PTPRM: variants seen among roughly 807,000 people sequenced by gnomAD.
The protein encoded by PTPRM is receptor-type tyrosine-protein phosphatase mu.
A neutral mutation model predicts 186.7 loss-of-function variants in PTPRM; 47 were observed. The observed-to-expected ratio is 0.25, with a 90% CI of 0.20 to 0.32. The LOEUF is 0.32. Ranked by LOEUF, PTPRM falls within the 10% of genes least tolerant of loss-of-function variation. The pLI is 1.00. For synonymous variants in PTPRM, 668 were observed against 674.9 expected (o/e 0.99, Z 0.16); for missense variants, 1,494 against 1,865.0 (o/e 0.80, Z 3.66).
intron 2 of PTPRM, chr18:7,815,510 A>G (rs1378344597): frequency 6.6e-6 from 1 of 152,130 alleles, no homozygotes; most frequent in African/African-American, 2.4e-5. Context: ...AGAGATGTCT[A>G]CTACACAGTT....
At chr18:8,023,145 CAGGG>C (rs1176311651) in intron 7 of PTPRM, among the ~76,000 whole-genome samples, 1 of 151,856 alleles carries the variant, frequency 6.6e-6, no homozygotes, top group Non-Finnish European at 1.5e-5. Context: ...TTGTAAGTGA[CAGGG>C]AGGATCGTGG....
intron 22 of PTPRM, among the ~76,000 whole-genome samples, chr18:8,323,297 A>G (rs530085882): frequency 6.6e-6 from 1 of 152,218 alleles, no homozygotes; most frequent in Non-Finnish European, 1.5e-5. Flanking sequence ...TCATTTGTGC[A>G]CCGGGATCCC....
chr18:7,869,659 C>T (rs555093106), intron 2 of PTPRM, among the ~76,000 whole-genome samples: 1 of 152,136 alleles, frequency 6.6e-6, no homozygotes, highest in African/African-American at 2.4e-5. Context: ...TGCCAGCCAT[C>T]GATCAGTTTT....
At chr18:8,399,087 A>G (rs908506452) in intron 32 of PTPRM, among the ~76,000 whole-genome samples, 3 of 152,252 alleles carry the variant, frequency 2.0e-5, no homozygotes, top group African/African-American at 7.2e-5. Context: ...AGAATCAGGC[A>G]ACATGTCATT....
rs1567958160 is a variant in PTPRM, at chr18:7,567,853, C to T, written c.35C>T (p.Ala12Val). The change falls in exon 1 of 33, where the codon GCC becomes GTC. Residue 12 changes from alanine (A) to valine (V), a missense_variant. Ala to Val is a moderately conservative substitution (Grantham distance 64). Coordinates refer to ENST00000580170, the MANE Select transcript of PTPRM (RefSeq NM_001105244.2). The surrounding 1 kb of genome is among the most constrained non-coding windows in gnomAD (Gnocchi z 4.3). ...CTTGGGACTTGCCTGGCGACTTTGG[C>T]CGGACTTTTGCTAACTGCGGCGGGC... Reference protein sequence around the residue: ...RGLGTCLATLAGLLLTAAGET... With the variant: ...RGLGTCLATLVGLLLTAAGET... 1.3e-6 allele frequency: 2 copies of T among 1,563,524 alleles called. No individual in the cohort carries two copies. The highest frequency in any genetic ancestry group is 1.7e-6 in the Non-Finnish European group (2 of 1,158,494).
At chr18:8,136,881 A>G (rs2092651456) in intron 13 of PTPRM, among the ~76,000 whole-genome samples, 1 of 152,190 alleles carries the variant, frequency 6.6e-6, no homozygotes, top group Non-Finnish European at 1.5e-5. Flanking sequence ...TAAAACAAGG[A>G]TGTTGCTGTT....
intron 21 of PTPRM, among the ~76,000 whole-genome samples, chr18:8,317,212 G>C (rs2095314821): frequency 6.6e-6 from 1 of 152,122 alleles, no homozygotes. Flanking sequence ...TGGCAGTGGA[G>C]GTGAGAAATG....
intron 1 of PTPRM, among the ~76,000 whole-genome samples, chr18:7,688,244 G>T (rs2039653746): frequency 6.6e-6 from 1 of 152,118 alleles, no homozygotes. Flanking sequence ...GCGGAAATGG[G>T]GAGCAGGATT....
intron 32 of PTPRM, among the ~76,000 whole-genome samples, chr18:8,399,430 A>C (rs1480097159): frequency 6.6e-6 from 1 of 152,198 alleles, no homozygotes; most frequent in Non-Finnish European, 1.5e-5. Context: ...CCTCTCATGA[A>C]CTTTATGTAA....
chr18:8,334,582 G>A (rs896589774), intron 22 of PTPRM, among the ~76,000 whole-genome samples: 14 of 152,172 alleles, frequency 9.2e-5, no homozygotes, highest in African/African-American at 2.9e-4. Context: ...GCAGATCTCC[G>A]CCAGCCATTT....
chr18:8,342,178 G>A (rs543764136), intron 22 of PTPRM, among the ~76,000 whole-genome samples: 2 of 152,346 alleles, frequency 1.3e-5, no homozygotes, highest in South Asian at 4.1e-4. Context: ...GATGGGGAGT[G>A]ACTGAAGGGC....
At chr18:8,022,684 G>A (rs151244499) in intron 7 of PTPRM, among the ~76,000 whole-genome samples, 129 of 152,158 alleles carry the variant, frequency 8.5e-4, no homozygotes, top group African/African-American at 1.7e-3. Context: ...ATCTAGGTCC[G>A]TCTGTAACTT....
intron 23 of PTPRM, among the ~76,000 whole-genome samples, chr18:8,360,122 A>G (rs1427781511): frequency 6.6e-6 from 1 of 152,218 alleles, no homozygotes; most frequent in Admixed American, 6.5e-5. Context: ...CCTTTACACA[A>G]CTGCGTTCAG....
At chr18:7,645,986 C>G (rs572975530) in intron 1 of PTPRM, among the ~76,000 whole-genome samples, 9 of 152,094 alleles carry the variant, frequency 5.9e-5, no homozygotes, top group Non-Finnish European at 1.0e-4. Context: ...CCTGGGGAAA[C>G]TGTGTGCCCA....
At chr18:8,389,046 A>C (rs1025724146) in intron 31 of PTPRM, among the ~76,000 whole-genome samples, 2 of 152,218 alleles carry the variant, frequency 1.3e-5, no homozygotes, top group Admixed American at 1.3e-4. Flanking sequence ...TTTCTCTTCA[A>C]TCCAGATCCA....
intron 7 of PTPRM, among the ~76,000 whole-genome samples, chr18:8,019,848 A>G (rs1329728220): frequency 6.7e-6 from 1 of 149,076 alleles, no homozygotes; most frequent in Non-Finnish European, 1.5e-5. Context: ...AAATATATAA[A>G]TTTAACTTAT....
chr18:7,751,350 A>G (rs968414106), intron 1 of PTPRM: 1 of 152,226 alleles, frequency 6.6e-6, no homozygotes, highest in Non-Finnish European at 1.5e-5. Context: ...ATCTCATTCA[A>G]CGTTTTTGTA....
intron 1 of PTPRM, among the ~76,000 whole-genome samples, chr18:7,688,095 A>G (rs1023806630): frequency 6.6e-5 from 10 of 152,128 alleles, no homozygotes; most frequent in African/African-American, 2.4e-4. Context: ...TAAAAATTAA[A>G]AACATTCTCT....
At chr18:7,602,938 T>TATTATTATTATG (rs1248170089) in intron 1 of PTPRM, among the ~76,000 whole-genome samples, 6 of 143,752 alleles carry the variant, frequency 4.2e-5, no homozygotes, top group African/African-American at 1.5e-4. Context: ...TTATTATTAT[T>TATTATTATTATG]ATTATTTGAG....
Sources: allele counts gnomAD v4.1 joint callset (sites outside exome capture counted in the v4.1 genomes callset), GRCh38; gene constraint gnomAD v4.1.1; non-coding constraint Gnocchi (gnomAD v3.1); transcripts MANE v1.5; gene names NCBI Gene and HGNC (gene_info 2026-07-23, HGNC 2026-07-21).